The following MRPL18 variants were observed in gnomAD, a reference collection of about 807,000 sequenced individuals.
MRPL18 encodes mitochondrial ribosomal protein L18.
In MRPL18, 16 loss-of-function variants were observed where a neutral mutation model predicts 20.9. The ratio of observed to expected loss-of-function variants is 0.76; its 90% CI spans 0.52 to 1.16. The LOEUF (loss-of-function observed/expected upper bound fraction) is 1.16, where lower values mean the gene tolerates loss of function less well. MRPL18 is among the 50% of genes most tolerant of loss of function. The pLI, the probability that MRPL18 is intolerant of heterozygous loss-of-function variation, is 0.00. For missense variants in MRPL18, 233 were observed against 230.6 expected (o/e 1.01, Z -0.07); for synonymous variants, 91 against 87.1 (o/e 1.04, Z -0.25).
intron 2 of MRPL18, among the ~76,000 whole-genome samples, chr6:159,791,509 T>C (rs1780898838): frequency 6.6e-6 from 1 of 152,192 alleles, no homozygotes; most frequent in Non-Finnish European, 1.5e-5. Context: ...AGGCGACAGA[T>C]GATTAGCTTT....
At position 159,790,668 on chromosome 6, in the gene MRPL18, C is replaced by G. The variant is rs9355278; in HGVS notation, c.52+29C>G. The G allele has an allele frequency of 0.22, 358,210 of 1,607,546 alleles. 41,555 individuals carry two copies. Among genetic ancestry groups the G allele is most frequent in the East Asian group, 0.38 (17,121 of 44,768 alleles). ...ATTAGTCTTGCCCCCCTTCTCCCAG[C>G]TCACTCGCCTGGGCTTGCACAGTAC... On this transcript the variant is annotated intron_variant, in intron 1 of 3. Transcript: ENST00000367034.
upstream of MRPL18, chr6:159,790,051 C>A (rs1008729762): frequency 2.2e-5 from 4 of 179,314 alleles, no homozygotes; most frequent in African/African-American, 9.4e-5. Flanking sequence ...TTGCTCCAGG[C>A]CTCAGGAGTG....
intron 2 of MRPL18, among the ~76,000 whole-genome samples, chr6:159,793,303 G>T (rs1219832248): frequency 6.6e-6 from 1 of 152,138 alleles, no homozygotes; most frequent in East Asian, 1.9e-4. Flanking sequence ...AATGGTTCAA[G>T]TGTCAGCAAA....
rs775377076 is a variant in MRPL18 at position 159,798,007 on chromosome 6, CTGCTGACT to C, written c.472-43_472-36del. ...TGAAAGTATTTTCAGCCTACTCGTG[CTGCTGACT>C]TAATCTTTTCCTTTTTTTTCTGATT... On this transcript the variant is annotated intron_variant, in intron 3 of 3. Coordinates refer to ENST00000367034, the MANE Select transcript of MRPL18 (RefSeq NM_014161.5). 6 of 1,503,722 alleles carry C rather than the reference CTGCTGACT, an allele frequency of 4.0e-6. No homozygotes were observed. The Admixed American group carries it at 1.0e-4, about 26-fold the overall frequency. The allele number at this position is 1,503,722 out of a possible 1,614,324, so 93.1% of individuals were successfully genotyped here.
intron 2 of MRPL18, among the ~76,000 whole-genome samples, chr6:159,796,127 ACTTT>A (rs1208733475): frequency 1.6e-5 from 1 of 63,356 alleles, no homozygotes; most frequent in Non-Finnish European, 3.3e-5. Context: ...ACTTCATTTT[ACTTT>A]TTTTTTTTTT....
At chr6:159,796,149 T>TC (rs951607580) in intron 2 of MRPL18, among the ~76,000 whole-genome samples, 1 of 126,498 alleles carries the variant, frequency 7.9e-6, no homozygotes, top group Non-Finnish European at 1.7e-5. Context: ...TTTTTTTTTT[T>TC]AACCATGCAG....
Position 159,790,922 on chromosome 6 carries a change from GT to G in MRPL18, c.53-13del. On this transcript the variant is annotated splice_polypyrimidine_tract_variant and intron_variant, in intron 1 of 3. Transcript: ENST00000367034. Reference sequence around the variant, plus strand: ...ATCCGTCATTTTTAAGCCCTGTGCGGTTTTTCCCGTTGCCCAGGGTGCAGGT... The same window carrying G: ...ATCCGTCATTTTTAAGCCCTGTGCGGTTTTCCCGTTGCCCAGGGTGCAGGT... The G allele has an allele frequency of 6.2e-7, 1 of 1,613,678 alleles. No individual in the cohort carries two copies. Among genetic ancestry groups the G allele is most frequent in the African/African-American group, 1.3e-5 (1 of 75,034 alleles).
Position 159,793,132 on chromosome 6 carries a change from G to A in MRPL18, c.239+2006G>A, listed in dbSNP as rs543459119. Among the ~76,000 whole-genome samples the A allele has an allele frequency of 2.0e-5, 3 of 151,994 alleles. No individual in the cohort carries two copies. In the South Asian group the frequency reaches 6.2e-4, roughly 32 times the overall value. Reference sequence around the variant, plus strand: ...GTGAGCCACTGCACTCGGCCCCAACGCATTACTTTGATTTAATATTTGGAT... The same window carrying A: ...GTGAGCCACTGCACTCGGCCCCAACACATTACTTTGATTTAATATTTGGAT... On this transcript the variant is annotated intron_variant, in intron 2 of 3. Coordinates refer to ENST00000367034, the MANE Select transcript of MRPL18 (RefSeq NM_014161.5).
upstream of MRPL18, chr6:159,789,897 A>AAGGGTGGAGCTTGGAGCT (rs1308601368): frequency 4.4e-5 from 9 of 206,028 alleles, no homozygotes; most frequent in African/African-American, 2.1e-4. Flanking sequence ...AGGTTGTAAG[A>AAGGGTGGAGCTTGGAGCT]AGGGTGGAGC....
Position 159,797,367 on chromosome 6 carries a change from C to T in MRPL18, c.320C>T (p.Thr107Ile). ...GGCAAGGTTGTGGTTTCGGCCTCCA[C>T]TCGTGAGTGGGCTATTAAAAAGCAC... ...QNGKVVVSAS[T>I]REWAIKKHLY... is the part of the protein sequence containing the mutation. The change falls in exon 3 of 4, where the codon ACT becomes ATT. Residue 107 changes from threonine to isoleucine, a missense_variant. Physicochemically the swap from Thr to Ile is moderately conservative, Grantham distance 89. Transcript: ENST00000367034. The T allele has an allele frequency of 6.2e-7, 1 of 1,614,148 alleles. No homozygotes were observed. The highest frequency in any genetic ancestry group is 2.2e-5 in the East Asian group (1 of 44,866).
chr6:159,792,955 T>C (rs55808311), intron 2 of MRPL18, among the ~76,000 whole-genome samples: 71,688 of 151,720 alleles, frequency 0.47, 17,968 homozygotes, highest in Non-Finnish European at 0.55. Flanking sequence ...AGGCACACAC[T>C]ACCATGGCCG....
upstream of MRPL18, chr6:159,790,464 G>T (rs969797976): frequency 5.7e-5 from 74 of 1,301,032 alleles, 1 homozygote; most frequent in Middle Eastern, 2.6e-3. Flanking sequence ...GGCGTCTGGC[G>T]TGGAGAGTTT....
At chr6:159,790,729 G>A (rs921709346) in intron 1 of MRPL18, 90 bp downstream of exon 1, 4 of 1,554,120 alleles carry the variant, frequency 2.6e-6, no homozygotes, top group Admixed American at 3.5e-5. Flanking sequence ...TATTCGACGT[G>A]CCGGATCGAA....
chr6:159,797,705 A>G (rs1304245872), intron 3 of MRPL18, among the ~76,000 whole-genome samples, 187 bp downstream of exon 3: 4 of 152,200 alleles, frequency 2.6e-5, no homozygotes, highest in Non-Finnish European at 5.9e-5. Context: ...TAGTACTCTC[A>G]TTCTATACAG....
chr6:159,796,825 T>G (rs892746518), intron 2 of MRPL18, among the ~76,000 whole-genome samples: 8 of 152,226 alleles, frequency 5.3e-5, no homozygotes, highest in Non-Finnish European at 1.0e-4. Flanking sequence ...ATGTCATATT[T>G]AAATATGCAT....
In MRPL18 at chr6:159,797,628, G is replaced by A. The variant is rs976984469; in HGVS notation, c.471+110G>A. 1.5e-4 allele frequency: 150 copies of A among 1,011,696 alleles called. 1 individual carries two copies. The East Asian group carries it at 3.2e-3, about 22-fold the overall frequency. The allele number at this position is 1,011,696 out of a possible 1,614,324, so 62.7% of individuals were successfully genotyped here. On this transcript the variant is annotated intron_variant, in intron 3 of 3. Coordinates refer to ENST00000367034, the MANE Select transcript of MRPL18 (RefSeq NM_014161.5). ...CTTACCAAATACTTTCCATGTGTCA[G>A]ACCCTTTGGTGAGTACTCAACAGTG...
intron 2 of MRPL18, among the ~76,000 whole-genome samples, chr6:159,795,015 CAAAGT>C (rs764834355): frequency 5.9e-5 from 9 of 152,202 alleles, no homozygotes; most frequent in African/African-American, 1.7e-4. Context: ...GCATCATAGA[CAAAGT>C]AAAGAATCAA....
chr6:159,796,018 C>T (rs1781020678), intron 2 of MRPL18, among the ~76,000 whole-genome samples: 1 of 152,050 alleles, frequency 6.6e-6, no homozygotes, highest in Admixed American at 6.6e-5. Context: ...CTCCTTGGCT[C>T]TAGCAGTCCT....
chr6:159,797,331 A>T lies in MRPL18; in HGVS notation c.284A>T (p.Glu95Val). The part of the protein sequence containing the change: ...RTQHHVEALV[E>V]HQNGKVVVSA... Reference sequence around the variant, plus strand: ...CAGCATCATGTAGAAGCACTTGTGGAGCATCAGAATGGCAAGGTTGTGGTT... The same window carrying T: ...CAGCATCATGTAGAAGCACTTGTGGTGCATCAGAATGGCAAGGTTGTGGTT... Residue 95 changes from glutamate to valine, a missense_variant, in exon 3 of 4, where the codon GAG becomes GTG. Glu to Val is a moderately radical substitution (Grantham distance 121). Coordinates refer to ENST00000367034, the MANE Select transcript of MRPL18 (RefSeq NM_014161.5). 2 of 1,614,184 alleles carry T rather than the reference A, an allele frequency of 1.2e-6. No individual in the cohort carries two copies. The highest frequency in any genetic ancestry group is 1.7e-6 in the Non-Finnish European group (2 of 1,180,046).
Sources: allele counts gnomAD v4.1 joint callset (sites outside exome capture counted in the v4.1 genomes callset), GRCh38; gene constraint gnomAD v4.1.1; transcripts MANE v1.5; gene names NCBI Gene and HGNC (gene_info 2026-07-23, HGNC 2026-07-21).